Variants in ASCC1 observed in about 807,000 individuals in gnomAD.
ASCC1 encodes ASC-1 complex subunit P50.
In ASCC1, 35 loss-of-function variants were observed where a neutral mutation model predicts 46.6. The ratio of observed to expected loss-of-function variants is 0.75; its 90% CI spans 0.57 to 0.99. ASCC1 has a LOEUF of 0.99. Ranked by LOEUF, ASCC1 falls within the 50% of genes least tolerant of loss-of-function variation. The pLI, the probability that ASCC1 is intolerant of heterozygous loss-of-function variation, is 0.00. For synonymous variants in ASCC1, 143 were observed against 146.6 expected (o/e 0.98, Z 0.18); for missense variants, 376 against 428.7 (o/e 0.88, Z 1.09).
intron 1 of ASCC1, 65 bp from the exon 2 acceptor site, chr10:72,213,396 G>T: frequency 1.2e-6 from 1 of 848,870 alleles, no homozygotes. Context: ...TCTAGTGTCT[G>T]AACCATTATG....
intron 9 of ASCC1, among the ~76,000 whole-genome samples, chr10:72,116,695 A>G (rs1311418418): frequency 1.3e-5 from 2 of 151,988 alleles, no homozygotes; most frequent in Non-Finnish European, 2.9e-5. Context: ...TGAGCTCTTT[A>G]TTTCAGTTAT....
chr10:72,100,634 C>A (rs1476180477), intron 9 of ASCC1, among the ~76,000 whole-genome samples: 5 of 152,176 alleles, frequency 3.3e-5, no homozygotes, highest in African/African-American at 1.2e-4. Flanking sequence ...CTCAAGTGAT[C>A]CTCCTGCCTT....
intron 4 of ASCC1, among the ~76,000 whole-genome samples, chr10:72,202,709 A>G (rs1856660482): frequency 6.6e-6 from 1 of 152,172 alleles, no homozygotes; most frequent in East Asian, 1.9e-4. Flanking sequence ...CCTAGTCTAC[A>G]AAATCAAGGG....
chr10:72,138,851 C>T (rs758502462), intron 7 of ASCC1, among the ~76,000 whole-genome samples: 1 of 152,012 alleles, frequency 6.6e-6, no homozygotes, highest in Non-Finnish European at 1.5e-5. Flanking sequence ...CAGGCGTGAG[C>T]CACCGCGCTC....
chr10:72,122,023 T>G (rs1844264964), intron 9 of ASCC1, among the ~76,000 whole-genome samples: 1 of 152,166 alleles, frequency 6.6e-6, no homozygotes, highest in South Asian at 2.1e-4. Flanking sequence ...GTAATAAATT[T>G]AAAAGAATAG....
At chr10:72,190,171 G>C (rs1354372848) in intron 5 of ASCC1, 7 of 763,456 alleles carry the variant, frequency 9.2e-6, no homozygotes, top group South Asian at 6.7e-5. Flanking sequence ...CAGTTCCTAA[G>C]GGTGCAACTT....
intron 5 of ASCC1, among the ~76,000 whole-genome samples, chr10:72,164,465 C>T (rs1850093864): frequency 6.6e-6 from 1 of 152,126 alleles, no homozygotes; most frequent in Non-Finnish European, 1.5e-5. Context: ...CATTATCACT[C>T]CTTCACTCCT....
intron 5 of ASCC1, among the ~76,000 whole-genome samples, chr10:72,184,806 T>A (rs1267514857): frequency 2.7e-5 from 4 of 147,790 alleles, no homozygotes; most frequent in East Asian, 2.0e-4. Flanking sequence ...AAAAAAAAAA[T>A]TTATAACACA....
intron 5 of ASCC1, among the ~76,000 whole-genome samples, chr10:72,181,271 C>T (rs1852578692): frequency 6.6e-6 from 1 of 151,870 alleles, no homozygotes; most frequent in African/African-American, 2.4e-5. Context: ...GCCTATTTGC[C>T]TCTCATCTTA....
At chr10:72,216,598 C>T (rs1415385349), upstream of ASCC1, among the ~76,000 whole-genome samples, 1 of 151,750 alleles carries the variant, frequency 6.6e-6, no homozygotes, top group Non-Finnish European at 1.5e-5. Flanking sequence ...AATAATTTGC[C>T]TTTGTACTAG....
rs371748371 is a variant in ASCC1 at position 72,182,657 on chromosome 10, T to C, written c.489+14154A>G. ...AAAATTCAGAAAGGGTATGAAAATG[T>C]TCCTGCTAAAAGAGGTTGAAGAGAC... On this transcript the variant is annotated intron_variant, in intron 5 of 9. Coordinates refer to ENST00000672957, the MANE Select transcript of ASCC1 (RefSeq NM_001198800.3). 1.5e-4 allele frequency among the ~76,000 whole-genome samples: 23 copies of C among 152,268 alleles called. No homozygotes were observed. In the East Asian group the frequency reaches 4.2e-3, roughly 28 times the overall value.
chr10:72,105,599 C>T (rs1842262463), intron 9 of ASCC1, among the ~76,000 whole-genome samples: 1 of 152,152 alleles, frequency 6.6e-6, no homozygotes, highest in African/African-American at 2.4e-5. Flanking sequence ...TCAAGGTTTT[C>T]CCTGACAAAC....
intron 5 of ASCC1, among the ~76,000 whole-genome samples, chr10:72,179,197 G>A (rs1852240869): frequency 6.6e-6 from 1 of 152,108 alleles, no homozygotes; most frequent in Non-Finnish European, 1.5e-5. Context: ...GTAGACACAA[G>A]TTTTGGTTGC....
chr10:72,184,546 G>A (rs1450851154), intron 5 of ASCC1, among the ~76,000 whole-genome samples: 1 of 151,956 alleles, frequency 6.6e-6, no homozygotes, highest in Non-Finnish European at 1.5e-5. Flanking sequence ...CCAGAACAAG[G>A]AACATTATCA....
chr10:72,190,304 C>T, intron 5 of ASCC1: 1 of 845,326 alleles, frequency 1.2e-6, no homozygotes, highest in Non-Finnish European at 2.0e-6. Context: ...ATATTTAGAT[C>T]TATGACTTAA....
chr10:72,119,398 C>T (rs1843905301), intron 9 of ASCC1, among the ~76,000 whole-genome samples: 1 of 152,192 alleles, frequency 6.6e-6, no homozygotes, highest in Non-Finnish European at 1.5e-5. Context: ...CCCCTCTAGC[C>T]ATCCACAGTG....
intron 7 of ASCC1, among the ~76,000 whole-genome samples, chr10:72,151,961 T>G (rs1399850810): frequency 6.7e-6 from 1 of 148,190 alleles, no homozygotes; most frequent in Non-Finnish European, 1.5e-5. Context: ...GGCACTGGGA[T>G]TACAGGCGTG....
At chr10:72,100,237 T>G (rs1841585232) in intron 9 of ASCC1, among the ~76,000 whole-genome samples, 1 of 151,964 alleles carries the variant, frequency 6.6e-6, no homozygotes, top group South Asian at 2.1e-4. Context: ...ATCTTTTTTT[T>G]TTTTTTAGAC....
At chr10:72,148,394 A>G (rs1847893808) in intron 7 of ASCC1, among the ~76,000 whole-genome samples, 1 of 152,252 alleles carries the variant, frequency 6.6e-6, no homozygotes, top group Non-Finnish European at 1.5e-5. Context: ...TGTGAGCTGA[A>G]CTAGTCTTGA....
Sources: allele counts gnomAD v4.1 joint callset (sites outside exome capture counted in the v4.1 genomes callset), GRCh38; gene constraint gnomAD v4.1.1; transcripts MANE v1.5; gene names NCBI Gene and HGNC (gene_info 2026-07-23, HGNC 2026-07-21).